PBX1: variants seen among roughly 807,000 people sequenced by gnomAD.
PBX1 encodes the protein PBX homeobox 1, also known as pre-B-cell leukemia transcription factor 1.
PBX1 carries 6 observed loss-of-function variants against 53.4 expected under a neutral mutation model. The observed-to-expected ratio is 0.11, with a 90% CI of 0.06 to 0.22. PBX1 has a LOEUF of 0.22. Ranked by LOEUF, PBX1 falls within the 10% of genes least tolerant of loss-of-function variation. The pLI is 1.00. For missense variants in PBX1, 251 were observed against 551.4 expected (o/e 0.46, Z 5.46); for synonymous variants, 204 against 212.3 (o/e 0.96, Z 0.34).
At chr1:164,604,262 C>A (rs1250618134) in intron 2 of PBX1, among the ~76,000 whole-genome samples, 2 of 152,144 alleles carry the variant, frequency 1.3e-5, no homozygotes, top group Non-Finnish European at 2.9e-5. Flanking sequence ...TCTATTGCCA[C>A]TTCCATTTTA....
In PBX1 at chr1:164,849,317, C is replaced by A. The variant is rs1393718305; in HGVS notation, c.*2641C>A. 3 of 1,535,438 alleles carry A rather than the reference C, an allele frequency of 2.0e-6. No homozygotes were observed. The highest frequency in any genetic ancestry group is 2.6e-6 in the Non-Finnish European group (3 of 1,146,650). On this transcript the variant is annotated 3_prime_UTR_variant, in exon 9 of 9. Transcript: ENST00000420696. ...ACAGCATTTTCCCCAACCAGCATTT[C>A]ACTTAGTCTTCTCTATACCCAGCAC...
At chr1:164,735,208 A>T (rs1260715409) in intron 2 of PBX1, among the ~76,000 whole-genome samples, 1 of 152,264 alleles carries the variant, frequency 6.6e-6, no homozygotes, top group Non-Finnish European at 1.5e-5. Flanking sequence ...TATCCATTAC[A>T]CTTGGCATTG....
intron 2 of PBX1, chr1:164,787,704 C>T (rs1024696001): frequency 3.3e-5 from 5 of 152,328 alleles, no homozygotes; most frequent in African/African-American, 1.2e-4. Flanking sequence ...GTCCCTTTAT[C>T]TTAGGACTTT....
intron 3 of PBX1, among the ~76,000 whole-genome samples, chr1:164,799,307 A>C (rs375903563): frequency 6.6e-6 from 1 of 152,006 alleles, no homozygotes; most frequent in East Asian, 1.9e-4. Flanking sequence ...TGGCTAACAC[A>C]GTGAAACCCC....
At chr1:164,746,697 C>T (rs1665913821) in intron 2 of PBX1, among the ~76,000 whole-genome samples, 1 of 152,220 alleles carries the variant, frequency 6.6e-6, no homozygotes, top group Non-Finnish European at 1.5e-5. Context: ...CATGAGCCAC[C>T]ACGCCTGGCC....
chr1:164,740,191 C>T (rs1053506632), intron 2 of PBX1, among the ~76,000 whole-genome samples: 5 of 152,076 alleles, frequency 3.3e-5, no homozygotes, highest in Non-Finnish European at 7.4e-5. Flanking sequence ...TGGCAGAGGC[C>T]AAGAGAGCAT....
intron 1 of PBX1, among the ~76,000 whole-genome samples, chr1:164,561,045 A>G (rs554133092): frequency 1.8e-4 from 27 of 152,324 alleles, no homozygotes; most frequent in Admixed American, 4.6e-4. Context: ...CTAAGTGACA[A>G]CCCGCTAACA....
intron 8 of PBX1, among the ~76,000 whole-genome samples, chr1:164,822,197 G>A (rs1670195114): frequency 6.6e-6 from 1 of 152,016 alleles, no homozygotes. Flanking sequence ...ATGTCGCACA[G>A]AGTGAAATCG....
intron 2 of PBX1, among the ~76,000 whole-genome samples, chr1:164,580,292 T>G (rs921805176): frequency 2.0e-5 from 3 of 152,172 alleles, no homozygotes; most frequent in Non-Finnish European, 4.4e-5. Context: ...CTTTTTTTAT[T>G]TTTTGAGATG....
At chr1:164,581,464 G>T (rs1365513186) in intron 2 of PBX1, among the ~76,000 whole-genome samples, 1 of 152,120 alleles carries the variant, frequency 6.6e-6, no homozygotes, top group East Asian at 1.9e-4. Context: ...CTGACCTTGT[G>T]ATCCGCCTGC....
At chr1:164,728,273 C>T (rs576968661) in intron 2 of PBX1, among the ~76,000 whole-genome samples, 19 of 151,128 alleles carry the variant, frequency 1.3e-4, no homozygotes, top group Non-Finnish European at 2.2e-4. Flanking sequence ...GCCATGATCG[C>T]GCCACTACAC....
At chr1:164,791,805 A>ATG (rs1300546405) in intron 2 of PBX1, among the ~76,000 whole-genome samples, 1 of 152,156 alleles carries the variant, frequency 6.6e-6, no homozygotes, top group Admixed American at 6.6e-5. Flanking sequence ...GGTAAAATAT[A>ATG]TATAAGATAG....
At chr1:164,687,587 A>G (rs1167155780) in intron 2 of PBX1, among the ~76,000 whole-genome samples, 2 of 145,982 alleles carry the variant, frequency 1.4e-5, no homozygotes, top group Non-Finnish European at 3.1e-5. Flanking sequence ...AAAAAAAGGA[A>G]ATAGTTTAGT....
chr1:164,844,282 G>A (rs887370426), intron 8 of PBX1, among the ~76,000 whole-genome samples: 7 of 151,564 alleles, frequency 4.6e-5, no homozygotes, highest in Admixed American at 2.6e-4. Flanking sequence ...TTCTTATCTC[G>A]GGAACCTGCT....
At chr1:164,755,847 A>T (rs867237540) in intron 2 of PBX1, among the ~76,000 whole-genome samples, 1 of 151,668 alleles carries the variant, frequency 6.6e-6, no homozygotes, top group African/African-American at 2.4e-5. Flanking sequence ...GCGCCATGTA[A>T]CTCCCTGGCT....
At position 164,799,647 on chromosome 1, in the gene PBX1, C is replaced by G. The variant is rs535743801; in HGVS notation, c.511-52C>G. On this transcript the variant is annotated intron_variant, in intron 3 of 8. Transcript: ENST00000420696. Reference sequence around the variant, plus strand: ...GTGGCCTAATGTCATAGACTTGATGCGTGTTGAGGCTTGGACCCTCAATGA... The same window carrying G: ...GTGGCCTAATGTCATAGACTTGATGGGTGTTGAGGCTTGGACCCTCAATGA... The G allele has an allele frequency of 3.9e-6, 6 of 1,521,902 alleles. No individual in the cohort carries two copies. In the Admixed American group the frequency reaches 8.7e-5, roughly 22 times the overall value. The allele number at this position is 1,521,902 out of a possible 1,614,324, so 94.3% of individuals were successfully genotyped here. A position where few individuals can be genotyped will look rare whatever the true frequency, so the allele number is the denominator to read the frequency against.
Position 164,675,996 on chromosome 1 carries a change from C to T in PBX1, c.265+112685C>T, listed in dbSNP as rs188878704. ...TCATGCCTTGCTGTTAGGGCTATGC[C>T]CTTTATATTTGGTATGAACGCGTGC... On this transcript the variant is annotated intron_variant, in intron 2 of 8. Transcript: ENST00000420696. 2.3e-3 allele frequency among the ~76,000 whole-genome samples: 355 copies of T among 152,214 alleles called. 1 individual carries two copies. The highest frequency in any genetic ancestry group is 7.5e-3 in the African/African-American group (313 of 41,534).
At chr1:164,663,999 C>T (rs1404421736) in intron 2 of PBX1, among the ~76,000 whole-genome samples, 1 of 152,144 alleles carries the variant, frequency 6.6e-6, no homozygotes, top group East Asian at 1.9e-4. Context: ...ACAGGTAAAT[C>T]CTGAAAGAGC....
intron 2 of PBX1, among the ~76,000 whole-genome samples, chr1:164,881,673 G>A (rs539477862): frequency 1.4e-4 from 19 of 136,912 alleles, no homozygotes; most frequent in South Asian, 5.0e-4. Context: ...GAAGGAGAGA[G>A]CTAGGAAGTT....
Sources: allele counts gnomAD v4.1 joint callset (sites outside exome capture counted in the v4.1 genomes callset), GRCh38; gene constraint gnomAD v4.1.1; transcripts MANE v1.5; gene names NCBI Gene and HGNC (gene_info 2026-07-23, HGNC 2026-07-21).